Variants in AHNAK2 observed in about 807,000 individuals in gnomAD.
AHNAK2 encodes the protein protein AHNAK2.
In AHNAK2, 18 loss-of-function variants were observed where a neutral mutation model predicts 30.7. The observed-to-expected ratio is 0.59, with a 90% confidence interval of 0.41 to 0.87. The LOEUF is 0.87. Ranked by LOEUF, AHNAK2 falls within the 40% of genes least tolerant of loss-of-function variation. The probability of loss-of-function intolerance (pLI) is 0.00; values close to 1 mark genes in which losing one functional copy is unlikely to be tolerated. For missense variants in AHNAK2, 8,604 were observed against 7,373.0 expected (o/e 1.17, Z -6.11); for synonymous variants, 3,590 against 3,073.8 (o/e 1.17, Z -5.56).
At position 104,939,807 on chromosome 14, in the gene AHNAK2, ACTTCCAG is replaced by A; in HGVS notation, c.15637_15643del (p.Leu5213TrpfsTer43). 3 of 1,613,524 alleles carry A rather than the reference ACTTCCAG, an allele frequency of 1.9e-6. No individual in the cohort carries two copies. Among genetic ancestry groups the A allele is most frequent in the Non-Finnish European group, 2.5e-6 (3 of 1,179,856 alleles). Reference sequence around the variant, plus strand: ...TGCTGCCGGTGCCTGTGTCTGAGCCACTTCCAGCTTTCCAGCCCCGCCTCTGTCCCTG... The same window carrying A: ...TGCTGCCGGTGCCTGTGTCTGAGCCACTTTCCAGCCCCGCCTCTGTCCCTG... On this transcript the variant is annotated frameshift_variant, in exon 7 of 7. Transcript: ENST00000333244. LOFTEE classifies it low-confidence loss of function (END_TRUNC).
At chr14:104,960,514 A>G (rs540136358) in intron 1 of AHNAK2, among the ~76,000 whole-genome samples, 6 of 152,334 alleles carry the variant, frequency 3.9e-5, no homozygotes, top group African/African-American at 1.4e-4. Context: ...TTGAGCATCC[A>G]TGAATTTTGG....
chr14:104,944,510 T>A lies in AHNAK2; in HGVS notation c.10941A>T (p.Ser3647=). ...KFKMPKFKMP[S]FRVSAPGKSM... Reference sequence around the variant, plus strand: ...ACTTCCCTGGGGCCGATACCCTGAATGACGGCATCTTGAATTTGGGCATTT... The same window carrying A: ...ACTTCCCTGGGGCCGATACCCTGAAAGACGGCATCTTGAATTTGGGCATTT... The change falls in exon 7 of 7, where the codon TCA becomes TCT. Residue 3647 remains serine, a synonymous_variant. Coordinates refer to ENST00000333244, the MANE Select transcript of AHNAK2 (RefSeq NM_138420.4). The A allele has an allele frequency of 6.2e-7, 1 of 1,611,828 alleles. No homozygotes were observed. Among genetic ancestry groups the A allele is most frequent in the Middle Eastern group, 1.7e-4 (1 of 6,046 alleles).
In AHNAK2 at chr14:104,943,665, A is replaced by G. The variant is rs755746000; in HGVS notation, c.11786T>C (p.Val3929Ala). The G allele has an allele frequency of 9.3e-6, 15 of 1,612,014 alleles. No individual in the cohort carries two copies. Among genetic ancestry groups the G allele is most frequent in the Non-Finnish European group, 1.3e-5 (15 of 1,179,372 alleles). ...KVEVTAPDVE[V>A]SLPSVEVDVE... Reference sequence around the variant, plus strand: ...GTCCACCTCCACGCTGGGCAGAGAAACCTCCACATCAGGGGCTGTCACTTC... The same window carrying G: ...GTCCACCTCCACGCTGGGCAGAGAAGCCTCCACATCAGGGGCTGTCACTTC... The change falls in exon 7 of 7, where the codon GTT becomes GCT. Residue 3929 changes from valine to alanine, a missense_variant. Transcript: ENST00000333244.
chr14:104,963,153 A>G (rs1899197767), intron 1 of AHNAK2, among the ~76,000 whole-genome samples: 1 of 152,254 alleles, frequency 6.6e-6, no homozygotes, highest in African/African-American at 2.4e-5. Flanking sequence ...AAAAATAGGC[A>G]GCAGATTTGA....
rs1898924299 is a variant in AHNAK2 at position 104,954,924 on chromosome 14, T to G, written c.651+33A>C. 4 of 1,554,674 alleles carry G rather than the reference T, an allele frequency of 2.6e-6. No individual in the cohort carries two copies. Among genetic ancestry groups the G allele is most frequent in the Middle Eastern group, 4.1e-4 (2 of 4,924 alleles). ...CAGCCAGCAGGGTAGTGAAGCCAGC[T>G]GGGGCCCTGCCCCCCGGGCATAGTG... On this transcript the variant is annotated intron_variant, in intron 6 of 6. Coordinates refer to ENST00000333244, the MANE Select transcript of AHNAK2 (RefSeq NM_138420.4). This position sits in a 1 kb window ranked among gnomAD's most constrained non-coding sequence, Gnocchi z 4.3.
rs192148536 is a variant in AHNAK2 at position 104,969,457 on chromosome 14, A to G, written c.55+8726T>C. On this transcript the variant is annotated intron_variant, in intron 1 of 6. Coordinates refer to ENST00000333244, the MANE Select transcript of AHNAK2 (RefSeq NM_138420.4). ...TCCCAGGCTGTCTTCTCTGCTGGGC[A>G]AATTCACAGACTGAGCTTGGCCACC... 1.2e-3 allele frequency among the ~76,000 whole-genome samples: 186 copies of G among 152,334 alleles called. 1 individual carries two copies. In the East Asian group the frequency reaches 0.027, roughly 22 times the overall value.
In AHNAK2 at chr14:104,948,758, G is replaced by A; in HGVS notation, c.6693C>T (p.Gly2231=). The change falls in exon 7 of 7, where the codon GGC becomes GGT. Residue 2231 remains glycine (G), a synonymous_variant. Transcript: ENST00000333244. ...LLEGPVPEEV[G]LKGHLPKLQM... is the part of the protein sequence containing the mutation. ...GCAGCTTGGGCAGGTGCCCTTTGAG[G>A]CCGACTTCCTCGGGCACAGGGCCCT... 6.2e-7 allele frequency: 1 copy of A among 1,611,976 alleles called. No individual in the cohort carries two copies. Among genetic ancestry groups the A allele is most frequent in the East Asian group, 2.2e-5 (1 of 44,660 alleles).
At position 104,953,659 on chromosome 14, in the gene AHNAK2, T is replaced by G. The variant is rs766345715; in HGVS notation, c.1792A>C (p.Thr598Pro). 3 of 1,613,936 alleles carry G rather than the reference T, an allele frequency of 1.9e-6. No homozygotes were observed. The Admixed American group carries it at 5.0e-5, about 27-fold the overall frequency. The change falls in exon 7 of 7, where the codon ACA becomes CCA. Residue 598 changes from threonine to proline, a missense_variant. Physicochemically the swap from Thr to Pro is conservative, Grantham distance 38. Transcript: ENST00000333244. The part of the protein sequence containing the change: ...PSLGWSPSKH[T>P]KTGREKATED... Reference sequence around the variant, plus strand: ...GTGGCTTTTTCTCTGCCTGTCTTTGTGTGCTTGCTTGGCGACCATCCTAAG... The same window carrying G: ...GTGGCTTTTTCTCTGCCTGTCTTTGGGTGCTTGCTTGGCGACCATCCTAAG...
chr14:104,938,508 CA>C lies in AHNAK2; in HGVS notation c.16942del (p.Trp5648GlyfsTer55). ...ESKKSGLLWF[W>X]LPNIGFSSSV... ...AGAGGAAAACCCAATGTTTGGAAGC[CA>C]AAACCAGAGCAGACCAGATTTTTTA... On this transcript the variant is annotated frameshift_variant, in exon 7 of 7. Coordinates refer to ENST00000333244, the MANE Select transcript of AHNAK2 (RefSeq NM_138420.4). LOFTEE classifies it low-confidence loss of function (END_TRUNC). 6.2e-7 allele frequency: 1 copy of C among 1,613,688 alleles called. No individual in the cohort carries two copies.
rs770946007 is a variant in AHNAK2, at chr14:104,952,956, T to C, written c.2495A>G (p.Lys832Arg). 67 of 1,611,730 alleles carry C rather than the reference T, an allele frequency of 4.2e-5. No homozygotes were observed. The highest frequency in any genetic ancestry group is 2.0e-4 in the African/African-American group (15 of 73,976). Residue 832 changes from lysine (K) to arginine (R), a missense_variant, in exon 7 of 7, where the codon AAG becomes AGG. Physicochemically the swap from Lys to Arg is conservative, Grantham distance 26. Transcript: ENST00000333244. The part of the protein sequence containing the change: ...ADKEVTAKDS[K>R]FKMPKFKMPS... ...CATCTTGAACTTGGGCATTTTGAAC[T>C]TGCTGTCTTTGGCAGTCACCTCCTT...
intron 1 of AHNAK2, among the ~76,000 whole-genome samples, chr14:104,977,424 C>T (rs1477112513): frequency 1.3e-5 from 2 of 152,204 alleles, no homozygotes; most frequent in Non-Finnish European, 2.9e-5. Flanking sequence ...TAGCCTGCGG[C>T]TCAGAGGGAG....
rs1304686164 is a variant in AHNAK2 at position 104,954,730 on chromosome 14, T to C, written c.721A>G (p.Arg241Gly). The change falls in exon 7 of 7, where the codon AGA becomes GGA. Residue 241 changes from arginine (R) to glycine (G), a missense_variant. By Grantham distance (125) the Arg-to-Gly change is moderately radical. Coordinates refer to ENST00000333244, the MANE Select transcript of AHNAK2 (RefSeq NM_138420.4). The surrounding 1 kb of genome is among the most constrained non-coding windows in gnomAD (Gnocchi z 4.3). ...KTLEGDGDQERLISKPRVGRG... is the reference protein window; with the variant it reads ...KTLEGDGDQEGLISKPRVGRG... ...CCCACCCTTGGTTTGGAGATGAGTCTCTCTTGGTCCCCATCTCCTTCCAGA... is the reference window on the plus strand; with the variant it reads ...CCCACCCTTGGTTTGGAGATGAGTCCCTCTTGGTCCCCATCTCCTTCCAGA... The C allele has an allele frequency of 5.6e-6, 9 of 1,611,104 alleles. No individual in the cohort carries two copies. The highest frequency in any genetic ancestry group is 7.6e-6 in the Non-Finnish European group (9 of 1,178,840).
At chr14:104,965,219 G>T (rs1000059318) in intron 1 of AHNAK2, among the ~76,000 whole-genome samples, 2 of 151,920 alleles carry the variant, frequency 1.3e-5, no homozygotes, top group African/African-American at 4.8e-5. Flanking sequence ...AAATCAACAT[G>T]GTGAAACCCC....
chr14:104,948,542 G>T lies in AHNAK2; in HGVS notation c.6909C>A (p.Asp2303Glu), dbSNP rs1208082281. 6 of 1,612,068 alleles carry T rather than the reference G, an allele frequency of 3.7e-6. No homozygotes were observed. Among genetic ancestry groups the T allele is most frequent in the East Asian group, 2.2e-5 (1 of 44,772 alleles). The change falls in exon 7 of 7, where the codon GAC becomes GAA. Residue 2303 changes from aspartate to glutamate, a missense_variant. Physicochemically the swap from Asp to Glu is conservative, Grantham distance 45. Transcript: ENST00000333244. ...TCACGTCCTTGTCGGCCAGGGACAT[G>T]TCCCCCTCCAGCCGCGCACCATCCA... ...AKLDGARLEG[D>E]MSLADKDVTA...
chr14:104,943,903 C>T lies in AHNAK2; in HGVS notation c.11548G>A (p.Asp3850Asn), dbSNP rs769350346. The T allele has an allele frequency of 2.5e-6, 4 of 1,613,054 alleles. No homozygotes were observed. The highest frequency in any genetic ancestry group is 1.3e-5 in the African/African-American group (1 of 74,724). ...GCAGAATGGGGCTGAATGCTGAGGT[C>T]AGTGGTCTTGAGGTCCCCCTGCATG... is the stretch of plus-strand genomic sequence containing the variant. ...PSMQGDLKTTDLSIQPHSADL... is the reference protein window; with the variant it reads ...PSMQGDLKTTNLSIQPHSADL... Residue 3850 changes from aspartate to asparagine, a missense_variant, in exon 7 of 7, where the codon GAC becomes AAC. Transcript: ENST00000333244.
chr14:104,970,009 T>C (rs750067297), intron 1 of AHNAK2, among the ~76,000 whole-genome samples: 68 of 151,900 alleles, frequency 4.5e-4, no homozygotes, highest in Non-Finnish European at 7.1e-4. Context: ...AAGCACACGG[T>C]CATCTGAGGA....
rs375542281 is a variant in AHNAK2, at chr14:104,948,052, C to A, written c.7399G>T (p.Gly2467Trp). Residue 2467 changes from glycine to tryptophan, a missense_variant, in exon 7 of 7, where the codon GGG (glycine) becomes TGG (tryptophan). Physicochemically the swap from Gly to Trp is radical, Grantham distance 184. Transcript: ENST00000333244. ...GAKLDGAWLEGDLSVADKDVT... is the reference protein window; with the variant it reads ...GAKLDGAWLEWDLSVADKDVT... ...TCCTTGTCCGCCACAGACAGGTCCCCCTCCAGCCACGCACCATCCAGCTTG... is the reference window on the plus strand; with the variant it reads ...TCCTTGTCCGCCACAGACAGGTCCCACTCCAGCCACGCACCATCCAGCTTG... 12 of 1,613,026 alleles carry A rather than the reference C, an allele frequency of 7.4e-6. No homozygotes were observed. The East Asian group carries it at 1.1e-4, about 15-fold the overall frequency.
Position 104,955,053 on chromosome 14 carries a change from C to T in AHNAK2, c.555G>A (p.Lys185=). 6.2e-7 allele frequency: 1 copy of T among 1,613,626 alleles called. No homozygotes were observed. Among genetic ancestry groups the T allele is most frequent in the Non-Finnish European group, 8.5e-7 (1 of 1,179,876 alleles). The change falls in exon 6 of 7, where the codon AAG becomes AAA. Residue 185 remains lysine (K), a synonymous_variant. Coordinates refer to ENST00000333244, the MANE Select transcript of AHNAK2 (RefSeq NM_138420.4). ...LKILQYSEPY[K]VQFKIRRQLP... ...GCTGCCGTCTGATTTTGAACTGAACCTTGTACGGCTCTGAATATTGAAGGA... is the reference window on the plus strand; with the variant it reads ...GCTGCCGTCTGATTTTGAACTGAACTTTGTACGGCTCTGAATATTGAAGGA...
In AHNAK2 at chr14:104,941,101, G is replaced by A. The variant is rs1349411132; in HGVS notation, c.14350C>T (p.Leu4784Phe). 2 of 1,613,698 alleles carry A rather than the reference G, an allele frequency of 1.2e-6. No homozygotes were observed. The highest frequency in any genetic ancestry group is 2.2e-5 in the East Asian group (1 of 44,886). The change falls in exon 7 of 7, where the codon CTC becomes TTC. Residue 4784 changes from leucine (L) to phenylalanine (F), a missense_variant. Physicochemically the swap from Leu to Phe is conservative, Grantham distance 22. Transcript: ENST00000333244. The part of the protein sequence containing the change: ...LTGPHFESSI[L>F]SPCEDVTLTK... ...AGTGTAACATCCTCACAGGGAGAGA[G>A]AATAGAAGATTCAAAGTGAGGACCA...
Sources: gnomAD v4.1 joint callset for allele counts (sites outside exome capture counted in the v4.1 genomes callset) on GRCh38, gnomAD v4.1.1 for gene constraint, Gnocchi (gnomAD v3.1) non-coding constraint, MANE v1.5 for transcripts, NCBI Gene and HGNC (gene_info 2026-07-23, HGNC 2026-07-21) for gene names.